SMS: variants seen among roughly 807,000 people sequenced by gnomAD.
SMS encodes spermine synthase, also known as spermidine aminopropyltransferase.
A neutral mutation model predicts 33.0 loss-of-function variants in SMS; 3 were observed. That is an observed-to-expected ratio of 0.09 (90% CI 0.04 to 0.23). The LOEUF is 0.23. SMS is among the 10% of genes least tolerant of loss of function. The pLI is 1.00. For synonymous variants in SMS, 103 were observed against 112.2 expected, an observed-to-expected ratio of 0.92 and a Z score of 0.52; for missense variants, 117 against 288.6, an observed-to-expected ratio of 0.41 and a Z score of 4.31.
At chrX:21,945,026 C>G (rs1180455551) in intron 1 of SMS, among the ~76,000 whole-genome samples, 2 of 111,647 alleles carry the variant, frequency 1.8e-5, no homozygotes, top group African/African-American at 6.5e-5. Context: ...GCTGCTGTAA[C>G]CTCTTCTTGC....
intron 1 of SMS, among the ~76,000 whole-genome samples, chrX:21,951,584 A>G (rs1271243108): frequency 2.7e-5 from 3 of 111,403 alleles, no homozygotes; most frequent in Non-Finnish European, 5.6e-5. Flanking sequence ...TTTTACATTT[A>G]AGTCTTTAAT....
At chrX:21,988,606 A>C (rs2146957047) in intron 9 of SMS, among the ~76,000 whole-genome samples, 1 of 102,587 alleles carries the variant, frequency 9.7e-6, no homozygotes, top group South Asian at 4.7e-4. Flanking sequence ...CGGAGCTTGC[A>C]GTGAGCCGAG....
At chrX:21,970,015 G>A (rs1433240563) in intron 2 of SMS, among the ~76,000 whole-genome samples, 5 of 113,223 alleles carry the variant, frequency 4.4e-5, no homozygotes, top group African/African-American at 9.6e-5. Context: ...GTTTCACCAC[G>A]TTGCCCAGGC....
At chrX:21,945,785 C>T (rs903804330) in intron 1 of SMS, among the ~76,000 whole-genome samples, 5 of 109,558 alleles carry the variant, frequency 4.6e-5, no homozygotes, top group South Asian at 8.0e-4. Flanking sequence ...GCACCACACC[C>T]GGCTAATTTT....
At chrX:21,973,764 T>C (rs1392347085) in intron 4 of SMS, among the ~76,000 whole-genome samples, 1 of 113,317 alleles carries the variant, frequency 8.8e-6, no homozygotes, top group Non-Finnish European at 1.9e-5. Context: ...TTCAGTTCCT[T>C]AGTCACAATA....
intron 9 of SMS, among the ~76,000 whole-genome samples, chrX:21,989,024 G>A (rs985982547): frequency 9.0e-6 from 1 of 110,717 alleles, no homozygotes; most frequent in Non-Finnish European, 1.9e-5. Flanking sequence ...CCTTCTAGAA[G>A]CAACCCATCT....
At position 21,994,633 on chromosome X, in the gene SMS, T is replaced by C; in HGVS notation, c.*282T>C. 6 of 884,201 alleles carry C rather than the reference T, an allele frequency of 6.8e-6. No homozygotes were observed. Among genetic ancestry groups the C allele is most frequent in the Non-Finnish European group, 8.3e-6 (6 of 722,727 alleles). The allele number at this position is 884,201 out of a possible 1,213,427, so 72.9% of individuals were successfully genotyped here. A position where few individuals can be genotyped will look rare whatever the true frequency, so the allele number is the denominator to read the frequency against. On this transcript the variant is annotated 3_prime_UTR_variant, in exon 11 of 11. Coordinates refer to ENST00000404933, the MANE Select transcript of SMS (RefSeq NM_004595.5). ...AGAATGTGATTTTTGTTCCTTTTTA[T>C]TTCTCTGTGGGCTTTTGTTTTTGTT...
At chrX:21,982,819 A>G (rs766215147) in intron 7 of SMS, among the ~76,000 whole-genome samples, 5 of 112,425 alleles carry the variant, frequency 4.4e-5, no homozygotes, top group Non-Finnish European at 9.4e-5. Context: ...TGGAAAAAAT[A>G]TGAGCATATC....
intron 1 of SMS, among the ~76,000 whole-genome samples, chrX:21,955,765 C>T (rs2238962): frequency 0.24 from 26,745 of 111,059 alleles, 2,421 homozygotes; most frequent in Admixed American, 0.36. Context: ...GGATACCTTA[C>T]GTTGTTTGCA....
chrX:21,971,620 A>C (rs1256955128), intron 2 of SMS, among the ~76,000 whole-genome samples: 1 of 112,126 alleles, frequency 8.9e-6, no homozygotes, highest in African/African-American at 3.2e-5. Flanking sequence ...CTTTTTAAAA[A>C]CCAGATTCAC....
intron 1 of SMS, among the ~76,000 whole-genome samples, chrX:21,955,913 ACT>A (rs1922940986): frequency 9.0e-6 from 1 of 110,689 alleles, no homozygotes; most frequent in African/African-American, 3.3e-5. Flanking sequence ...CTGAGTCTTG[ACT>A]CTCATACGGG....
At chrX:21,967,125 A>T in intron 1 of SMS, 71 bp from the exon 2 acceptor site, 2 of 1,045,372 alleles carry the variant, frequency 1.9e-6, no homozygotes, top group Non-Finnish European at 2.7e-6. Flanking sequence ...CAGTCCTCAA[A>T]CTGTGCCTCA....
rs199782703 is a variant in SMS at position 21,971,839 on chromosome X, T to TC, written c.171-58_171-57insC. On this transcript the variant is annotated intron_variant, in intron 2 of 10. Coordinates refer to ENST00000404933, the MANE Select transcript of SMS (RefSeq NM_004595.5). ...TGGGTGACATCTCTCTCTCTCTCTC[T>TC]TTTTTTTTTAATGCCCCGATACAAT... The TC allele has an allele frequency of 9.2e-4, 417 of 450,969 alleles. 1 individual carries two copies. Among genetic ancestry groups the TC allele is most frequent in the East Asian group, 8.3e-3 (151 of 18,240 alleles). 37.2% of individuals were successfully genotyped at this position (450,969 alleles called of 1,213,427 possible).
chrX:21,966,033 C>T (rs1041678619), intron 1 of SMS, among the ~76,000 whole-genome samples: 2 of 112,103 alleles, frequency 1.8e-5, no homozygotes, highest in Non-Finnish European at 3.8e-5. Context: ...CGTTTGTAGC[C>T]TTCATTCAGT....
At chrX:21,961,552 G>A (rs1303800721) in intron 1 of SMS, among the ~76,000 whole-genome samples, 4 of 111,637 alleles carry the variant, frequency 3.6e-5, no homozygotes, top group African/African-American at 1.3e-4. Context: ...AGACGGGCCT[G>A]TAAATGGTTC....
intron 7 of SMS, among the ~76,000 whole-genome samples, chrX:21,980,415 C>CAAAAAAAA (rs1178108858): frequency 1.1e-4 from 5 of 44,573 alleles, no homozygotes; most frequent in East Asian, 8.7e-4. Context: ...AGACTGTCTC[C>CAAAAAAAA]AAAAAAAAAA....
intron 2 of SMS, among the ~76,000 whole-genome samples, chrX:21,970,745 G>GTT (rs756995067): frequency 2.0e-3 from 164 of 82,246 alleles, no homozygotes; most frequent in African/African-American, 3.1e-3. Flanking sequence ...ATTATTTTTA[G>GTT]TTTTTTTTTT....
At chrX:21,984,674 A>G (rs921156006) in intron 8 of SMS, among the ~76,000 whole-genome samples, 7 of 112,199 alleles carry the variant, frequency 6.2e-5, no homozygotes, top group Non-Finnish European at 1.1e-4. Flanking sequence ...ATCATTTGAC[A>G]ATTTATTTAA....
In SMS at chrX:21,979,286, A is replaced by G. The variant is rs572207767; in HGVS notation, c.750+320A>G. Among the ~76,000 whole-genome samples, 48 of 109,981 alleles carry G rather than the reference A, an allele frequency of 4.4e-4. 1 individual carries two copies. The South Asian group carries it at 0.016, about 36-fold the overall frequency. On this transcript the variant is annotated intron_variant, in intron 7 of 10. Coordinates refer to ENST00000404933, the MANE Select transcript of SMS (RefSeq NM_004595.5). The stretch of plus-strand genomic sequence containing the variant: ...CGTGCCATGGTGGTTTGCTGCACCT[A>G]TGAACCCATCATCTAGGTTTTAAGC...
Sources: allele counts gnomAD v4.1 joint callset (sites outside exome capture counted in the v4.1 genomes callset), GRCh38; gene constraint gnomAD v4.1.1; transcripts MANE v1.5; gene names NCBI Gene and HGNC (gene_info 2026-07-23, HGNC 2026-07-21).